The following RALGPS2 variants were observed in gnomAD, a reference collection of about 807,000 sequenced individuals.
The protein encoded by RALGPS2 is ras-specific guanine nucleotide-releasing factor RalGPS2.
In RALGPS2, 43 loss-of-function variants were observed where a neutral mutation model predicts 86.8. The ratio of observed to expected loss-of-function variants is 0.50; its 90% CI spans 0.39 to 0.64. RALGPS2 has a LOEUF of 0.64. Ranked by LOEUF, RALGPS2 falls within the 30% of genes least tolerant of loss-of-function variation. The pLI is 0.00. For missense variants in RALGPS2, 536 were observed against 694.6 expected, an observed-to-expected ratio of 0.77 and a Z score of 2.57; for synonymous variants, 243 against 231.3, an observed-to-expected ratio of 1.05 and a Z score of -0.46.
chr1:178,835,920 A>G (rs991140049), intron 8 of RALGPS2, among the ~76,000 whole-genome samples: 9 of 152,368 alleles, frequency 5.9e-5, no homozygotes, highest in Admixed American at 3.3e-4. Context: ...ACTAAATTTC[A>G]TAATTTGTAT....
chr1:178,878,021 C>T (rs774293091), intron 9 of RALGPS2, among the ~76,000 whole-genome samples: 21 of 152,146 alleles, frequency 1.4e-4, no homozygotes, highest in Middle Eastern at 3.4e-3. Flanking sequence ...TCTATTATCT[C>T]ATTTGATCTC....
In RALGPS2 at chr1:178,856,394, A is replaced by ATTTTTTTTTTTTTTTTTTTTTTTTTT. The variant is rs71108081; in HGVS notation, c.608-21097_608-21072dup. ...AGGCAAGTGCCACCCTGCCTGGCTA[A>ATTTTTTTTTTTTTTTTTTTTTTTTTT]TTTTTTTTTTTTTTTTTTTTTTTTT... On this transcript the variant is annotated intron_variant, in intron 8 of 19. Transcript: ENST00000367635. Among the ~76,000 whole-genome samples, 3 of 36,432 alleles carry ATTTTTTTTTTTTTTTTTTTTTTTTTT rather than the reference A, an allele frequency of 8.2e-5. 1 individual carries two copies. Among genetic ancestry groups the ATTTTTTTTTTTTTTTTTTTTTTTTTT allele is most frequent in the Non-Finnish European group, 1.4e-4 (3 of 21,130 alleles). 23.9% of individuals were successfully genotyped at this position (36,432 alleles called of 152,430 possible). A position where few individuals can be genotyped will look rare whatever the true frequency, so the allele number is the denominator to read the frequency against.
At chr1:178,771,068 A>G (rs927044246) in intron 1 of RALGPS2, among the ~76,000 whole-genome samples, 1 of 151,458 alleles carries the variant, frequency 6.6e-6, no homozygotes, top group Non-Finnish European at 1.5e-5. Context: ...CGAACTCCTG[A>G]TCTCAGGTGA....
At chr1:178,819,047 G>A (rs55633412) in intron 6 of RALGPS2, among the ~76,000 whole-genome samples, 13,252 of 149,364 alleles carry the variant, frequency 0.089, 639 homozygotes, top group African/African-American at 0.13. Flanking sequence ...AGAGTGCAGT[G>A]GCTCAAGCAT....
In RALGPS2 at chr1:178,786,377, A is replaced by G. The variant is rs576664260; in HGVS notation, c.213+770A>G. 2.0e-5 allele frequency among the ~76,000 whole-genome samples: 3 copies of G among 152,168 alleles called. No individual in the cohort carries two copies. The South Asian group carries it at 6.2e-4, about 32-fold the overall frequency. On this transcript the variant is annotated intron_variant, in intron 4 of 19. Transcript: ENST00000367635. ...TAACTCTAGTAATCTTTTCCCTTATATCTTTATTTTATGACTTAATAATAT... is the reference window on the plus strand; with the variant it reads ...TAACTCTAGTAATCTTTTCCCTTATGTCTTTATTTTATGACTTAATAATAT...
chr1:178,884,057 T>C (rs1182367356), intron 11 of RALGPS2, among the ~76,000 whole-genome samples: 1 of 151,804 alleles, frequency 6.6e-6, no homozygotes, highest in South Asian at 2.1e-4. Flanking sequence ...TCAAGGAAAA[T>C]AGATAGATGC....
intron 7 of RALGPS2, among the ~76,000 whole-genome samples, chr1:178,832,345 C>T (rs75948575): frequency 0.029 from 4,436 of 152,186 alleles, 211 homozygotes; most frequent in African/African-American, 0.1. Flanking sequence ...AGCCTCTGAA[C>T]AATAGATCCC....
chr1:178,920,373 T>A lies in RALGPS2; in HGVS notation c.*4014T>A, dbSNP rs1266368965. 1 of 152,002 alleles carries A rather than the reference T, an allele frequency of 6.6e-6. No individual in the cohort carries two copies. Among genetic ancestry groups the A allele is most frequent in the Non-Finnish European group, 1.5e-5 (1 of 67,890 alleles). The allele number at this position is 152,002 out of a possible 1,614,324, so 9.4% of individuals were successfully genotyped here. ...TATAGTGGGGAGAAAATTTGGTCAG[T>A]GCCTTATTATTTGAAGAGCAATTTT... On this transcript the variant is annotated 3_prime_UTR_variant, in exon 20 of 20. Coordinates refer to ENST00000367635, the MANE Select transcript of RALGPS2 (RefSeq NM_152663.5).
intron 18 of RALGPS2, 97 bp from the exon 19 acceptor site, chr1:178,906,679 C>A: frequency 1.1e-6 from 1 of 883,668 alleles, no homozygotes; most frequent in Non-Finnish European, 1.7e-6. Flanking sequence ...AAACTGAAAA[C>A]TCTAGTCATG....
rs576830674 is a variant in RALGPS2 at position 178,746,009 on chromosome 1, A to T, written c.-84+20590A>T. ...GCTAATTTTTGTATTTTTAGTAGAG[A>T]TGGGGTTTCACTATGTTGGCCAGGC... is the stretch of plus-strand genomic sequence containing the variant. On this transcript the variant is annotated intron_variant, in intron 1 of 19. Coordinates refer to ENST00000367635, the MANE Select transcript of RALGPS2 (RefSeq NM_152663.5). 2.0e-4 allele frequency among the ~76,000 whole-genome samples: 31 copies of T among 151,806 alleles called. 1 individual carries two copies. In the South Asian group the frequency reaches 6.2e-3, roughly 31 times the overall value.
intron 7 of RALGPS2, among the ~76,000 whole-genome samples, chr1:178,823,928 G>T (rs1655626567): frequency 6.6e-6 from 1 of 152,142 alleles, no homozygotes; most frequent in Non-Finnish European, 1.5e-5. Context: ...AGCTAGATGG[G>T]ATTACCTAAG....
At chr1:178,746,360 T>G (rs1651330909) in intron 1 of RALGPS2, among the ~76,000 whole-genome samples, 1 of 152,196 alleles carries the variant, frequency 6.6e-6, no homozygotes, top group Non-Finnish European at 1.5e-5. Flanking sequence ...ACAAAAATAT[T>G]TAATGCTGCC....
intron 8 of RALGPS2, chr1:178,850,083 A>G (rs1225706965): frequency 6.5e-6 from 1 of 152,682 alleles, no homozygotes; most frequent in East Asian, 1.9e-4. Flanking sequence ...AGCAGTTTGG[A>G]CTAAGCTATG....
intron 1 of RALGPS2, among the ~76,000 whole-genome samples, chr1:178,726,713 T>C (rs1462311125): frequency 6.6e-6 from 1 of 152,140 alleles, no homozygotes; most frequent in Non-Finnish European, 1.5e-5. Context: ...TGTTCATGAG[T>C]TGACTTGGGT....
intron 2 of RALGPS2, among the ~76,000 whole-genome samples, chr1:178,780,125 G>T (rs558204380): frequency 6.6e-6 from 1 of 152,092 alleles, no homozygotes; most frequent in African/African-American, 2.4e-5. Context: ...CTTATATAAC[G>T]TAATCATGGA....
chr1:178,814,241 A>C lies in RALGPS2; in HGVS notation c.387+2837A>C, dbSNP rs566283621. Among the ~76,000 whole-genome samples the C allele has an allele frequency of 2.2e-3, 330 of 152,308 alleles. 4 individuals are homozygous for C. The highest frequency in any genetic ancestry group is 2.5e-3 in the Non-Finnish European group (172 of 68,030). On this transcript the variant is annotated intron_variant, in intron 6 of 19. Coordinates refer to ENST00000367635, the MANE Select transcript of RALGPS2 (RefSeq NM_152663.5). ...AGCAGTGTTACTTAATGGTTTTGGG[A>C]GTAGCTCTGTTGTAGAGTATCCTAT...
At chr1:178,858,729 G>A (rs3766639) in intron 8 of RALGPS2, among the ~76,000 whole-genome samples, 71,267 of 151,972 alleles carry the variant, frequency 0.47, 18,108 homozygotes, top group African/African-American at 0.66. Flanking sequence ...ATTTCCCAAG[G>A]TGTATTTATT....
rs920472296 is a variant in RALGPS2, at chr1:178,794,857, A to T, written c.213+9250A>T. The stretch of plus-strand genomic sequence containing the variant: ...AAGTATTCATAAAGTGACAGGATAT[A>T]TCTGAAAGTCTGACATATAGAGCAT... On this transcript the variant is annotated intron_variant, in intron 4 of 19. Coordinates refer to ENST00000367635, the MANE Select transcript of RALGPS2 (RefSeq NM_152663.5). 3.9e-5 allele frequency among the ~76,000 whole-genome samples: 6 copies of T among 152,176 alleles called. No homozygotes were observed. In the South Asian group the frequency reaches 6.2e-4, roughly 16 times the overall value.
intron 8 of RALGPS2, chr1:178,865,349 C>T (rs183228072): frequency 6.8e-6 from 11 of 1,614,022 alleles, no homozygotes; most frequent in African/African-American, 5.3e-5. Context: ...ATCCCTCTTA[C>T]GGATAATCTC....
Sources: allele counts gnomAD v4.1 joint callset (sites outside exome capture counted in the v4.1 genomes callset), GRCh38; gene constraint gnomAD v4.1.1; transcripts MANE v1.5; gene names NCBI Gene and HGNC (gene_info 2026-07-23, HGNC 2026-07-21).